Variants in TVP23C observed in about 807,000 individuals in gnomAD.
The protein encoded by TVP23C is Golgi apparatus membrane protein TVP23 homolog C.
A neutral mutation model predicts 28.7 loss-of-function variants in TVP23C; 19 were observed. That is an observed-to-expected ratio of 0.66 (90% confidence interval 0.46 to 0.97). The LOEUF (loss-of-function observed/expected upper bound fraction) is 0.97. Ranked by LOEUF, TVP23C falls within the 50% of genes least tolerant of loss-of-function variation. The pLI, the probability that TVP23C is intolerant of heterozygous loss-of-function variation, is 0.00. For synonymous variants in TVP23C, 68 were observed against 81.7 expected, an observed-to-expected ratio of 0.83 and a Z score of 0.90; for missense variants, 186 against 241.3, an observed-to-expected ratio of 0.77 and a Z score of 1.52.
At chr17:15,520,098 G>A (rs1982409792) in intron 5 of TVP23C, among the ~76,000 whole-genome samples, 1 of 150,284 alleles carries the variant, frequency 6.7e-6, no homozygotes, top group African/African-American at 2.5e-5. Flanking sequence ...TCCAGCTGAG[G>A]AAGGCTGCCC....
intron 5 of TVP23C, among the ~76,000 whole-genome samples, chr17:15,505,930 C>T (rs1018776906): frequency 6.6e-6 from 1 of 152,244 alleles, no homozygotes; most frequent in Non-Finnish European, 1.5e-5. Flanking sequence ...TCCTGCAGGG[C>T]AGGGCTCGGG....
At chr17:15,508,316 G>GA (rs1210811432) in intron 5 of TVP23C, among the ~76,000 whole-genome samples, 1 of 152,198 alleles carries the variant, frequency 6.6e-6, no homozygotes, top group Non-Finnish European at 1.5e-5. Context: ...AGAAAGGAAG[G>GA]AAAAACAGAG....
At chr17:15,563,357 G>A (rs1430552614) in intron 1 of TVP23C, 80 bp downstream of exon 1, 19 of 1,532,492 alleles carry the variant, frequency 1.2e-5, no homozygotes, top group South Asian at 1.2e-5. Flanking sequence ...GGGCGCGGGG[G>A]ACGCGGGCTC....
At chr17:15,523,654 C>T (rs1982584199) in intron 5 of TVP23C, among the ~76,000 whole-genome samples, 1 of 150,162 alleles carries the variant, frequency 6.7e-6, no homozygotes, top group Admixed American at 6.7e-5. Context: ...CACTCTGTCA[C>T]CCAGGCTAGA....
At position 15,503,388 on chromosome 17, in the gene TVP23C, G is replaced by C; in HGVS notation, c.463-156C>G. 5.4e-6 allele frequency: 5 copies of C among 924,576 alleles called. 1 individual carries two copies. In the South Asian group the frequency reaches 9.8e-5, roughly 18 times the overall value. The allele number at this position is 924,576 out of a possible 1,614,324, so 57.3% of individuals were successfully genotyped here. On this transcript the variant is annotated intron_variant, in intron 5 of 5. Transcript: ENST00000225576. ...CCACTGCACTCCAGCCTGGGCGACA[G>C]AGCAAGACCATGATATTTCAAGAAA...
chr17:15,527,868 G>A (rs1385036121), intron 5 of TVP23C, among the ~76,000 whole-genome samples: 1 of 152,210 alleles, frequency 6.6e-6, no homozygotes, highest in African/African-American at 2.4e-5. Context: ...AAAAAACAAT[G>A]CTCGAATGCT....
rs1022882523 is a variant in TVP23C, at chr17:15,507,113, C to T, written c.463-3881G>A. On this transcript the variant is annotated intron_variant, in intron 5 of 5. Coordinates refer to the TVP23C transcript ENST00000225576. ...GCCTCTACGGGGAGAAATTTGATGT[C>T]GAGGACTTCACCCTAAAGCATACAG... The T allele has an allele frequency of 7.2e-5, 70 of 965,760 alleles. 1 individual carries two copies. In the South Asian group the frequency reaches 7.8e-4, roughly 11 times the overall value. 59.8% of individuals were successfully genotyped at this position (965,760 alleles called of 1,614,324 possible). A position where few individuals can be genotyped will look rare whatever the true frequency, so the allele number is the denominator to read the frequency against.
At chr17:15,563,057 C>T (rs1320734495) in intron 1 of TVP23C, 3 of 303,408 alleles carry the variant, frequency 9.9e-6, no homozygotes, top group Non-Finnish European at 1.8e-5. Flanking sequence ...GAGGCTCTGG[C>T]GGTGTCGCCG....
chr17:15,532,701 C>T (rs1266004380), downstream of TVP23C, among the ~76,000 whole-genome samples: 1 of 152,100 alleles, frequency 6.6e-6, no homozygotes, highest in Non-Finnish European at 1.5e-5. Context: ...ATCAGATATT[C>T]AAAGATCCAT....
At chr17:15,502,532 T>G in exon 6 of TVP23C, 1 of 244,154 alleles carries the variant, frequency 4.1e-6, no homozygotes, top group Non-Finnish European at 7.7e-6. Flanking sequence ...GATCCCCTCC[T>G]TTGTCTGGAA....
chr17:15,553,771 G>A lies in TVP23C; in HGVS notation c.154C>T (p.Leu52Phe), dbSNP rs770731372. The A allele has an allele frequency of 1.2e-6, 2 of 1,613,848 alleles. No homozygotes were observed. The highest frequency in any genetic ancestry group is 1.7e-6 in the Non-Finnish European group (2 of 1,179,882). ...CTGCTGCTGAGCAACTCACAGAGAA[G>A]ACAGACGATGATTGCACTGACTCGA... is the stretch of plus-strand genomic sequence containing the variant. ...FFRVSAIIVC[L>F]LCELLSSSFI... The change falls in exon 3 of 6, where the codon CTT (leucine) becomes TTT (phenylalanine). Residue 52 changes from leucine (L) to phenylalanine (F), a missense_variant. Physicochemically the swap from Leu to Phe is conservative, Grantham distance 22. Transcript: ENST00000518321.
chr17:15,544,407 A>G (rs1326718601), intron 5 of TVP23C, among the ~76,000 whole-genome samples: 2 of 152,158 alleles, frequency 1.3e-5, no homozygotes, highest in Non-Finnish European at 2.9e-5. Flanking sequence ...ACTATTATAA[A>G]ACTTGGTAAC....
chr17:15,559,746 G>T (rs542009496), intron 1 of TVP23C, among the ~76,000 whole-genome samples: 1 of 127,572 alleles, frequency 7.8e-6, no homozygotes, highest in East Asian at 2.8e-4. Context: ...GACAGGATTT[G>T]CTGATGGACT....
rs537942038 is a variant in TVP23C at position 15,538,400 on chromosome 17, C to T, written c.*2012G>A. The T allele has an allele frequency of 7.4e-6, 6 of 814,896 alleles. No individual in the cohort carries two copies. The South Asian group carries it at 2.2e-4, about 30-fold the overall frequency. 50.5% of individuals were successfully genotyped at this position (814,896 alleles called of 1,614,324 possible). On this transcript the variant is annotated 3_prime_UTR_variant, in exon 6 of 6. Transcript: ENST00000518321. ...GGTCAGGAGATCGAGACCCTCCTGG[C>T]TAACACAGTGAAACCCCGTCTCTAC...
chr17:15,526,008 A>G (rs1567635422), intron 5 of TVP23C, among the ~76,000 whole-genome samples: 3 of 152,196 alleles, frequency 2.0e-5, no homozygotes, highest in Admixed American at 6.5e-5. Context: ...CATGACCAAC[A>G]CAGCAAGTAA....
chr17:15,530,567 C>A (rs755023415), intron 5 of TVP23C, among the ~76,000 whole-genome samples: 7 of 152,150 alleles, frequency 4.6e-5, no homozygotes, highest in Non-Finnish European at 1.0e-4. Context: ...AACAAAAATA[C>A]ATTTATACTA....
Position 15,507,117 on chromosome 17 carries a change from G to A in TVP23C, c.463-3885C>T, listed in dbSNP as rs981094028. On this transcript the variant is annotated intron_variant, in intron 5 of 5. Coordinates refer to the TVP23C transcript ENST00000225576. ...CTACGGGGAGAAATTTGATGTCGAG[G>A]ACTTCACCCTAAAGCATACAGGTCC... 1.6e-5 allele frequency: 15 copies of A among 935,750 alleles called. No homozygotes were observed. The African/African-American group carries it at 2.1e-4, about 13-fold the overall frequency. 58.0% of individuals were successfully genotyped at this position (935,750 alleles called of 1,614,324 possible).
In TVP23C at chr17:15,506,062, T is replaced by C. The variant is rs1016411157; in HGVS notation, c.463-2830A>G. Among the ~76,000 whole-genome samples, 3 of 152,232 alleles carry C rather than the reference T, an allele frequency of 2.0e-5. No homozygotes were observed. In the East Asian group the frequency reaches 5.8e-4, roughly 29 times the overall value. On this transcript the variant is annotated intron_variant, in intron 5 of 5. Coordinates refer to the TVP23C transcript ENST00000225576. ...CCAGTTCCATCGACCACCCAAGGGC[T>C]GAGGAGTGCGAGCGCACGGCGCAGG...
At chr17:15,543,353 G>A (rs1983503179) in intron 5 of TVP23C, among the ~76,000 whole-genome samples, 1 of 151,026 alleles carries the variant, frequency 6.6e-6, no homozygotes, top group Non-Finnish European at 1.5e-5. Flanking sequence ...AAGCAAAATG[G>A]ATAAGGAAAA....
Sources: allele counts gnomAD v4.1 joint callset (sites outside exome capture counted in the v4.1 genomes callset), GRCh38; gene constraint gnomAD v4.1.1; transcripts MANE v1.5; gene names NCBI Gene and HGNC (gene_info 2026-07-23, HGNC 2026-07-21).